The following PLEKHA7 variants were observed in gnomAD, a reference collection of about 807,000 sequenced individuals.
PLEKHA7 encodes the protein pleckstrin homology domain-containing family A member 7.
PLEKHA7 carries 104 observed loss-of-function variants against 170.0 expected under a neutral mutation model. That is an observed-to-expected ratio of 0.61 (90% CI 0.52 to 0.72). PLEKHA7 has a LOEUF of 0.72. Ranked by LOEUF, PLEKHA7 falls within the 30% of genes least tolerant of loss-of-function variation. The probability of loss-of-function intolerance (pLI) is 0.00; values close to 1 mark genes in which losing one functional copy is unlikely to be tolerated. For synonymous variants in PLEKHA7, 648 were observed against 660.8 expected, an observed-to-expected ratio of 0.98 and a Z score of 0.30; for missense variants, 1,615 against 1,671.7, an observed-to-expected ratio of 0.97 and a Z score of 0.59.
chr11:16,883,564 C>A (rs139400289), intron 3 of PLEKHA7, among the ~76,000 whole-genome samples: 1 of 152,314 alleles, frequency 6.6e-6, no homozygotes, highest in East Asian at 1.9e-4. Context: ...TAACTGCCCA[C>A]CAGTCCCCAA....
chr11:16,961,022 C>G (rs578021644), intron 3 of PLEKHA7, among the ~76,000 whole-genome samples: 2 of 152,228 alleles, frequency 1.3e-5, no homozygotes, highest in African/African-American at 2.4e-5. Context: ...CCCTCCACCC[C>G]ACTCAAGGAA....
At chr11:16,887,089 G>A (rs1265242181) in intron 3 of PLEKHA7, among the ~76,000 whole-genome samples, 1 of 152,068 alleles carries the variant, frequency 6.6e-6, no homozygotes, top group Admixed American at 6.6e-5. Context: ...AACAATTCAG[G>A]ATATGAAAGA....
At chr11:16,997,980 C>T (rs536786130) in intron 3 of PLEKHA7, among the ~76,000 whole-genome samples, 4 of 152,178 alleles carry the variant, frequency 2.6e-5, no homozygotes, top group Non-Finnish European at 4.4e-5. Flanking sequence ...AGATAGGGAA[C>T]GCTGGGTGAC....
At chr11:17,006,598 G>GC (rs36040497) in intron 3 of PLEKHA7, among the ~76,000 whole-genome samples, 1 of 146,394 alleles carries the variant, frequency 6.8e-6, no homozygotes, top group Non-Finnish European at 1.5e-5. Flanking sequence ...CTGCACTCCA[G>GC]CCTGGGTGAC....
At chr11:16,992,438 C>G (rs1590804888) in intron 3 of PLEKHA7, among the ~76,000 whole-genome samples, 1 of 152,286 alleles carries the variant, frequency 6.6e-6, no homozygotes, top group Non-Finnish European at 1.5e-5. Context: ...ATGCCACCTG[C>G]AGGATTCTTA....
Position 16,920,863 on chromosome 11 carries a change from A to C in PLEKHA7, c.222-49681T>G, listed in dbSNP as rs553808745. Among the ~76,000 whole-genome samples, 4 of 152,328 alleles carry C rather than the reference A, an allele frequency of 2.6e-5. No individual in the cohort carries two copies. In the East Asian group the frequency reaches 7.7e-4, roughly 29 times the overall value. ...CCTAGAGCCTCACCCGTGGTATCTC[A>C]CTTTTTATTCCAAACCAGACCTGTA... On this transcript the variant is annotated intron_variant, in intron 3 of 26. Coordinates refer to ENST00000531066, the MANE Select transcript of PLEKHA7 (RefSeq NM_001329630.2).
intron 13 of PLEKHA7, among the ~76,000 whole-genome samples, chr11:16,805,300 T>C (rs766548824): frequency 2.0e-5 from 3 of 152,164 alleles, no homozygotes; most frequent in Non-Finnish European, 2.9e-5. Context: ...AAGAATGAGA[T>C]ATTTTATATA....
At chr11:16,785,640 A>G (rs1849344773) in intron 24 of PLEKHA7, among the ~76,000 whole-genome samples, 1 of 152,168 alleles carries the variant, frequency 6.6e-6, no homozygotes, top group Admixed American at 6.5e-5. Context: ...CCTGATGGGT[A>G]GAGATCCAGG....
intron 3 of PLEKHA7, among the ~76,000 whole-genome samples, chr11:16,875,417 T>C (rs1855207965): frequency 1.3e-5 from 2 of 150,142 alleles, no homozygotes; most frequent in South Asian, 4.3e-4. Context: ...TAATGGCTTC[T>C]GAATACTGAA....
intron 4 of PLEKHA7, among the ~76,000 whole-genome samples, chr11:16,859,696 G>A (rs1853778218): frequency 6.6e-6 from 1 of 152,248 alleles, no homozygotes; most frequent in African/African-American, 2.4e-5. Context: ...CAGAATGAGT[G>A]TACTCTGCTG....
Position 16,832,477 on chromosome 11 carries a change from A to C in PLEKHA7, c.873-5887T>G, listed in dbSNP as rs146155790. On this transcript the variant is annotated intron_variant, in intron 9 of 26. Transcript: ENST00000531066. ...CTTCTCTCTTATTTCTTTTCTTCAC[A>C]AGAACTTGAATGTTAACAGATCTTA... Among the ~76,000 whole-genome samples the C allele has an allele frequency of 1.3e-3, 197 of 152,314 alleles. 1 individual carries two copies. The highest frequency in any genetic ancestry group is 4.6e-3 in the African/African-American group (193 of 41,568).
intron 8 of PLEKHA7, among the ~76,000 whole-genome samples, chr11:16,847,335 G>GC (rs1381250475): frequency 6.6e-6 from 1 of 151,854 alleles, no homozygotes; most frequent in South Asian, 2.1e-4. Flanking sequence ...CTCGTGATCC[G>GC]CCCCCCTCTG....
chr11:16,905,996 TCTC>T (rs1409670162), intron 3 of PLEKHA7, among the ~76,000 whole-genome samples: 1 of 150,390 alleles, frequency 6.6e-6, no homozygotes, highest in African/African-American at 2.4e-5. Context: ...GGACAGCTCT[TCTC>T]ATTCAGGCTC....
At chr11:16,827,898 C>A (rs932733619) in intron 9 of PLEKHA7, among the ~76,000 whole-genome samples, 94 of 146,570 alleles carry the variant, frequency 6.4e-4, no homozygotes, top group African/African-American at 2.3e-3. Flanking sequence ...GAGGCGTTTT[C>A]ATCTCAACAT....
At chr11:16,960,905 C>T (rs1862019953) in intron 3 of PLEKHA7, among the ~76,000 whole-genome samples, 2 of 152,010 alleles carry the variant, frequency 1.3e-5, no homozygotes, top group African/African-American at 4.8e-5. Context: ...ACTCCAGTTA[C>T]CCACAACTCC....
chr11:16,834,978 C>T (rs1851398784), intron 9 of PLEKHA7, among the ~76,000 whole-genome samples: 1 of 152,102 alleles, frequency 6.6e-6, no homozygotes, highest in Non-Finnish European at 1.5e-5. Context: ...GAACAAAAGT[C>T]AGAGGTACAG....
chr11:17,006,906 T>C (rs928982664), intron 3 of PLEKHA7, among the ~76,000 whole-genome samples: 4 of 152,216 alleles, frequency 2.6e-5, no homozygotes, highest in Non-Finnish European at 5.9e-5. Flanking sequence ...ATTTGGTTCA[T>C]CCTTCACTCT....
At chr11:16,907,036 C>G (rs1590568920) in intron 3 of PLEKHA7, among the ~76,000 whole-genome samples, 1 of 146,698 alleles carries the variant, frequency 6.8e-6, no homozygotes, top group South Asian at 2.3e-4. Flanking sequence ...AAGTGAGGAG[C>G]CCCTCTGCCC....
intron 3 of PLEKHA7, among the ~76,000 whole-genome samples, chr11:16,988,516 A>G (rs746486247): frequency 4.0e-4 from 61 of 151,992 alleles, no homozygotes; most frequent in Admixed American, 3.5e-3. Flanking sequence ...GTGTGATCTC[A>G]GCTCACTGCA....
Sources: gnomAD v4.1 joint callset for allele counts (sites outside exome capture counted in the v4.1 genomes callset) on GRCh38, gnomAD v4.1.1 for gene constraint, MANE v1.5 for transcripts, NCBI Gene and HGNC (gene_info 2026-07-23, HGNC 2026-07-21) for gene names.